Variants in DNAJA3 observed in about 807,000 individuals in gnomAD.
DNAJA3 encodes the protein dnaJ homolog subfamily A member 3, mitochondrial.
Under a neutral mutation model 54.9 loss-of-function variants are expected in DNAJA3, and 29 were observed. That is an observed-to-expected ratio of 0.53 (90% CI 0.39 to 0.72). The LOEUF (loss-of-function observed/expected upper bound fraction) is 0.72. Among genes scored for constraint, DNAJA3 ranks in the 30% least tolerant of loss-of-function variants. The pLI is 0.00. For missense variants in DNAJA3, 708 were observed against 639.4 expected (o/e 1.11, Z -1.16); for synonymous variants, 302 against 251.4 (o/e 1.20, Z -1.90).
At chr16:4,452,868 G>A (rs531618833) in intron 10 of DNAJA3, among the ~76,000 whole-genome samples, 28 of 152,242 alleles carry the variant, frequency 1.8e-4, no homozygotes, top group African/African-American at 6.3e-4. Context: ...TCATGACAGC[G>A]ACACTGTACT....
chr16:4,441,932 T>C (rs2056841502), intron 4 of DNAJA3, among the ~76,000 whole-genome samples: 1 of 151,988 alleles, frequency 6.6e-6, no homozygotes, highest in Admixed American at 6.6e-5. Context: ...ACTGTCAGAG[T>C]GGAAGAGAGA....
intron 7 of DNAJA3, among the ~76,000 whole-genome samples, chr16:4,445,649 T>G (rs1227689196): frequency 6.6e-6 from 1 of 152,176 alleles, no homozygotes; most frequent in African/African-American, 2.4e-5. Context: ...CTCCCTGGGC[T>G]CAGGTGATCC....
At chr16:4,455,322 G>A (rs867099932) in intron 11 of DNAJA3, among the ~76,000 whole-genome samples, 2 of 152,156 alleles carry the variant, frequency 1.3e-5, no homozygotes, top group Admixed American at 6.5e-5. Flanking sequence ...GCCCTCCTGC[G>A]TGGACAGCGC....
In DNAJA3 at chr16:4,454,943, A is replaced by G; in HGVS notation, c.*13+16A>G. 1 of 1,558,648 alleles carries G rather than the reference A, an allele frequency of 6.4e-7. No homozygotes were observed. Among genetic ancestry groups the G allele is most frequent in the African/African-American group, 1.4e-5 (1 of 73,602 alleles). Reference sequence around the variant, plus strand: ...CCCAGCCGAGGTAGGAAAACCCTGGAGGTTTTTTTTCCCTTTGTTTTCCTC... The same window carrying G: ...CCCAGCCGAGGTAGGAAAACCCTGGGGGTTTTTTTTCCCTTTGTTTTCCTC... On this transcript the variant is annotated intron_variant, in intron 11 of 11. Transcript: ENST00000262375.
At position 4,456,086 on chromosome 16, in the gene DNAJA3, T is replaced by C. The variant is rs2057032254; in HGVS notation, c.*554T>C. On this transcript the variant is annotated 3_prime_UTR_variant, in exon 12 of 12. Coordinates refer to ENST00000262375, the MANE Select transcript of DNAJA3 (RefSeq NM_005147.6). ...CGAGGCATCAGCTGCTCTGCTCAGT[T>C]AGTTTTTATTCCCGGGGTACCAAGC... The C allele has an allele frequency of 1.3e-5, 2 of 158,088 alleles. No individual in the cohort carries two copies. Among genetic ancestry groups the C allele is most frequent in the African/African-American group, 4.8e-5 (2 of 41,534 alleles). 9.8% of individuals were successfully genotyped at this position (158,088 alleles called of 1,614,324 possible).
At chr16:4,455,413 G>C in intron 11 of DNAJA3, 133 bp from the exon 12 acceptor site, 1 of 1,065,324 alleles carries the variant, frequency 9.4e-7, no homozygotes, top group Non-Finnish European at 1.4e-6. Flanking sequence ...GGTTTATTAT[G>C]CTCATCTCAG....
intron 3 of DNAJA3, among the ~76,000 whole-genome samples, chr16:4,439,495 G>T (rs2056814154): frequency 6.6e-6 from 1 of 152,136 alleles, no homozygotes; most frequent in African/African-American, 2.4e-5. Flanking sequence ...GAGTAGCTGG[G>T]ACTACAGGTT....
At chr16:4,447,511 T>C (rs1378865482) in intron 8 of DNAJA3, 1 of 153,718 alleles carries the variant, frequency 6.5e-6, no homozygotes, top group East Asian at 1.9e-4. Context: ...AGCTTCTTTG[T>C]GGGGAACCTT....
chr16:4,426,090 C>G lies in DNAJA3; in HGVS notation c.209C>G (p.Thr70Arg), dbSNP rs769590081. The change falls in exon 1 of 12, where the codon ACA becomes AGA. Residue 70 changes from threonine to arginine, a missense_variant and splice_region_variant. Physicochemically the swap from Thr to Arg is moderately conservative, Grantham distance 71 (BLOSUM62 -1). Coordinates refer to ENST00000262375, the MANE Select transcript of DNAJA3 (RefSeq NM_005147.6). ...ACATTGAGACCTGGTGTCAGCCTTA[C>G]AGGTGAGGGCAGGTTCCAACTTCCG... The part of the protein sequence containing the change: ...LLTLRPGVSL[T>R]GTKHNPFICT... The G allele has an allele frequency of 6.4e-6, 10 of 1,569,316 alleles. No individual in the cohort carries two copies. Among genetic ancestry groups the G allele is most frequent in the Non-Finnish European group, 8.6e-6 (10 of 1,157,450 alleles).
intron 1 of DNAJA3, among the ~76,000 whole-genome samples, chr16:4,429,177 G>T (rs1256937045): frequency 6.6e-6 from 1 of 151,246 alleles, no homozygotes; most frequent in Non-Finnish European, 1.5e-5. Flanking sequence ...GTGAGCCACC[G>T]CGCCCGGCCA....
chr16:4,434,735 G>T (rs1202795672), intron 2 of DNAJA3, among the ~76,000 whole-genome samples: 3 of 152,106 alleles, frequency 2.0e-5, no homozygotes, highest in Non-Finnish European at 4.4e-5. Context: ...CCAAACCAGA[G>T]ATTTTAAGAA....
intron 1 of DNAJA3, chr16:4,433,901 G>T: frequency 6.1e-6 from 1 of 162,706 alleles, no homozygotes; most frequent in South Asian, 1.7e-4. Flanking sequence ...AGTGCATTAG[G>T]GAACAGCCCT....
rs1160119092 is a variant in DNAJA3 at position 4,454,732 on chromosome 16, G to A, written c.1340-79G>A. The A allele has an allele frequency of 1.5e-5, 17 of 1,112,874 alleles. No individual in the cohort carries two copies. The East Asian group carries it at 4.2e-4, about 28-fold the overall frequency. 68.9% of individuals were successfully genotyped at this position (1,112,874 alleles called of 1,614,324 possible). On this transcript the variant is annotated intron_variant, in intron 10 of 11. Transcript: ENST00000262375. The stretch of plus-strand genomic sequence containing the variant: ...TGAACGTGGGCCCCTGGGTGGCCAG[G>A]CGGGGGTAGGTGGGCCCTGGGATGT...
rs768540539 is a variant in DNAJA3 at position 4,441,615 on chromosome 16, T to C, written c.630+40T>C. 8.7e-6 allele frequency: 14 copies of C among 1,600,056 alleles called. No individual in the cohort carries two copies. The Admixed American group carries it at 2.4e-4, about 27-fold the overall frequency. The stretch of plus-strand genomic sequence containing the variant: ...TGGAAGAATTATTCAAATTTTAGAC[T>C]AAGTATGGGTCAAACAAATTTTTTT... On this transcript the variant is annotated intron_variant, in intron 4 of 11. Coordinates refer to ENST00000262375, the MANE Select transcript of DNAJA3 (RefSeq NM_005147.6).
chr16:4,427,780 A>G (rs1399244295), intron 1 of DNAJA3, among the ~76,000 whole-genome samples: 1 of 152,158 alleles, frequency 6.6e-6, no homozygotes, highest in Non-Finnish European at 1.5e-5. Context: ...TCGATCCTCC[A>G]TCCTCAGCCT....
chr16:4,437,633 A>G, intron 3 of DNAJA3, 148 bp downstream of exon 3: 1 of 645,116 alleles, frequency 1.6e-6, no homozygotes. Flanking sequence ...AAGAAAAATA[A>G]AAAAAAAGAG....
At chr16:4,453,908 T>C (rs560898871) in intron 10 of DNAJA3, among the ~76,000 whole-genome samples, 41 of 152,316 alleles carry the variant, frequency 2.7e-4, no homozygotes, top group Admixed American at 4.6e-4. Flanking sequence ...ACATTAAAAA[T>C]GAGCTCTACA....
chr16:4,434,812 T>A (rs61263579), intron 2 of DNAJA3, among the ~76,000 whole-genome samples: 1 of 151,842 alleles, frequency 6.6e-6, no homozygotes, highest in Admixed American at 6.6e-5. Context: ...GTAGATATGC[T>A]AGTCTAAGTT....
chr16:4,435,480 C>G (rs1393943749), intron 2 of DNAJA3, among the ~76,000 whole-genome samples: 3 of 152,150 alleles, frequency 2.0e-5, no homozygotes, highest in Admixed American at 6.6e-5. Flanking sequence ...TTAGCACTCC[C>G]CTTCCATTGT....
Sources: gnomAD v4.1 joint callset for allele counts (sites outside exome capture counted in the v4.1 genomes callset) on GRCh38, gnomAD v4.1.1 for gene constraint, MANE v1.5 for transcripts, NCBI Gene and HGNC (gene_info 2026-07-23, HGNC 2026-07-21) for gene names.